Variants in ORC4 observed in about 807,000 individuals in gnomAD.
The protein encoded by ORC4 is origin recognition complex subunit 4, also known as origin recognition complex, subunit 4 homolog.
In ORC4, 55 loss-of-function variants were observed where a neutral mutation model predicts 63.9. That is an observed-to-expected ratio of 0.86 (90% CI 0.69 to 1.08). ORC4 has a LOEUF of 1.08. Ranked by LOEUF, ORC4 falls within the 50% of genes least tolerant of loss-of-function variation. The probability of loss-of-function intolerance (pLI) is 0.00; values close to 1 mark genes in which losing one functional copy is unlikely to be tolerated. For synonymous variants in ORC4, 150 were observed against 168.5 expected, an observed-to-expected ratio of 0.89 and a Z score of 0.85; for missense variants, 511 against 504.4, an observed-to-expected ratio of 1.01 and a Z score of -0.13.
At chr2:147,995,344 G>C (rs1691897033) in intron 1 of ORC4, among the ~76,000 whole-genome samples, 1 of 152,170 alleles carries the variant, frequency 6.6e-6, no homozygotes, top group Admixed American at 6.5e-5. Flanking sequence ...CTGTAAAATG[G>C]ACCAATCAGC....
intron 1 of ORC4, among the ~76,000 whole-genome samples, chr2:148,019,948 A>T (rs1157936077): frequency 1.3e-5 from 2 of 152,190 alleles, no homozygotes; most frequent in Non-Finnish European, 2.9e-5. Context: ...AACTTGACAA[A>T]ACAGTCCTTT....
intron 1 of ORC4, among the ~76,000 whole-genome samples, chr2:147,980,062 A>T (rs1690785051): frequency 1.3e-5 from 2 of 152,202 alleles, no homozygotes; most frequent in African/African-American, 4.8e-5. Flanking sequence ...ATGAAAACAG[A>T]CATAAAACTA....
In ORC4 at chr2:147,947,874, G is replaced by A. The variant is rs1343968789; in HGVS notation, c.762+177C>T. 18 of 529,262 alleles carry A rather than the reference G, an allele frequency of 3.4e-5. No individual in the cohort carries two copies. In the Admixed American group the frequency reaches 5.7e-4, roughly 17 times the overall value. The allele number at this position is 529,262 out of a possible 1,614,324, so 32.8% of individuals were successfully genotyped here. A position where few individuals can be genotyped will look rare whatever the true frequency, so the allele number is the denominator to read the frequency against. On this transcript the variant is annotated intron_variant, in intron 9 of 13. Transcript: ENST00000392857. ...TTTTGAGATAGAATTTAGGAGAAAT[G>A]ACATTTCAACTGTCTAAGAAGAAAA...
intron 1 of ORC4, among the ~76,000 whole-genome samples, chr2:148,000,966 C>T (rs1692264110): frequency 6.6e-6 from 1 of 151,822 alleles, no homozygotes; most frequent in Non-Finnish European, 1.5e-5. Context: ...CAGGAGGTAG[C>T]AATATAAAAT....
Position 147,953,572 on chromosome 2 carries a change from A to G in ORC4, c.437-1048T>C, listed in dbSNP as rs535432956. Among the ~76,000 whole-genome samples the G allele has an allele frequency of 5.3e-5, 8 of 152,332 alleles. No homozygotes were observed. The South Asian group carries it at 1.0e-3, about 20-fold the overall frequency. On this transcript the variant is annotated intron_variant, in intron 7 of 13. Coordinates refer to ENST00000392857, the MANE Select transcript of ORC4 (RefSeq NM_181741.4). ...TTTATTTAGTAGAAATACAAGGTACATTTCTTGTAGAAATACTTTTTATAA... is the reference window on the plus strand; with the variant it reads ...TTTATTTAGTAGAAATACAAGGTACGTTTCTTGTAGAAATACTTTTTATAA...
chr2:147,965,300 C>A (rs148062674), intron 4 of ORC4, among the ~76,000 whole-genome samples: 26 of 151,846 alleles, frequency 1.7e-4, no homozygotes, highest in African/African-American at 6.3e-4. Context: ...CAATAATAAT[C>A]TTGAATATAA....
chr2:147,982,071 C>T (rs545516917), intron 1 of ORC4: 5 of 152,288 alleles, frequency 3.3e-5, no homozygotes, highest in East Asian at 3.9e-4. Flanking sequence ...AGTCCTCTGG[C>T]TCCAGGCTTC....
intron 1 of ORC4, among the ~76,000 whole-genome samples, chr2:148,010,077 G>A (rs561596133): frequency 6.6e-6 from 1 of 152,082 alleles, no homozygotes; most frequent in Admixed American, 6.5e-5. Flanking sequence ...AAACATATAA[G>A]AATTAAACAA....
At chr2:148,017,690 CA>C (rs767224546) in intron 1 of ORC4, among the ~76,000 whole-genome samples, 2 of 152,062 alleles carry the variant, frequency 1.3e-5, no homozygotes, top group African/African-American at 2.4e-5. Flanking sequence ...AAAAAATCTC[CA>C]AAAATTAAAA....
At chr2:147,940,412 T>C (rs963236892) in intron 10 of ORC4, among the ~76,000 whole-genome samples, 2 of 152,084 alleles carry the variant, frequency 1.3e-5, no homozygotes, top group African/African-American at 2.4e-5. Context: ...ACAGGGCATC[T>C]ACCCAGAGGA....
intron 1 of ORC4, among the ~76,000 whole-genome samples, chr2:147,995,942 G>A (rs1031151433): frequency 6.6e-6 from 1 of 151,790 alleles, no homozygotes; most frequent in East Asian, 1.9e-4. Context: ...AGAGGTTGCA[G>A]TGAGCCGAGA....
At chr2:147,971,321 AAAT>A (rs1220144322) in intron 4 of ORC4, among the ~76,000 whole-genome samples, 2 of 151,662 alleles carry the variant, frequency 1.3e-5, no homozygotes, top group South Asian at 4.1e-4. Flanking sequence ...TAATATTATG[AAAT>A]AATATTAATA....
At chr2:148,010,047 T>C (rs1467698898) in intron 1 of ORC4, among the ~76,000 whole-genome samples, 1 of 152,064 alleles carries the variant, frequency 6.6e-6, no homozygotes, top group Non-Finnish European at 1.5e-5. Context: ...AAATAACAAG[T>C]GGAACTTTGG....
At chr2:147,968,674 ACAC>A (rs1483457528) in intron 4 of ORC4, among the ~76,000 whole-genome samples, 1 of 152,084 alleles carries the variant, frequency 6.6e-6, no homozygotes, top group Non-Finnish European at 1.5e-5. Flanking sequence ...GAACTTTTAT[ACAC>A]CATTGGTGGG....
intron 4 of ORC4, 50 bp downstream of exon 4, chr2:147,972,689 A>T (rs772869963): frequency 1.0e-6 from 1 of 993,210 alleles, no homozygotes; most frequent in African/African-American, 1.6e-5. Flanking sequence ...TTCTTATATA[A>T]AATAAGAATC....
intron 2 of ORC4, 141 bp downstream of exon 2, chr2:147,975,761 C>T: frequency 1.5e-6 from 1 of 678,528 alleles, no homozygotes; most frequent in Non-Finnish European, 2.7e-6. Context: ...TCGTTAAGGT[C>T]TCGTACTGAT....
intron 10 of ORC4, among the ~76,000 whole-genome samples, chr2:147,941,888 A>C (rs1474909330): frequency 6.6e-6 from 1 of 152,074 alleles, no homozygotes; most frequent in African/African-American, 2.4e-5. Context: ...ATAGAAGAAA[A>C]GTAAATAGGG....
At chr2:147,990,728 G>A (rs1448699928) in intron 1 of ORC4, among the ~76,000 whole-genome samples, 1 of 152,074 alleles carries the variant, frequency 6.6e-6, no homozygotes, top group Admixed American at 6.5e-5. Flanking sequence ...AATATTAAAA[G>A]GACACAATTT....
intron 4 of ORC4, among the ~76,000 whole-genome samples, chr2:147,967,299 T>C (rs746193118): frequency 1.3e-5 from 2 of 151,984 alleles, no homozygotes; most frequent in Non-Finnish European, 2.9e-5. Context: ...ACTCTCCCCA[T>C]TCTTATTCAA....
Sources: gnomAD v4.1 joint callset for allele counts (sites outside exome capture counted in the v4.1 genomes callset) on GRCh38, gnomAD v4.1.1 for gene constraint, MANE v1.5 for transcripts, NCBI Gene and HGNC (gene_info 2026-07-23, HGNC 2026-07-21) for gene names.